Variants in MEF2A observed in about 807,000 individuals in gnomAD.
The protein encoded by MEF2A is myocyte enhancer factor 2A, also known as myocyte-specific enhancer factor 2A.
MEF2A carries 28 observed loss-of-function variants against 55.8 expected under a neutral mutation model. The observed-to-expected ratio is 0.50, with a 90% CI of 0.37 to 0.69. The LOEUF is 0.69. Among genes scored for constraint, MEF2A ranks in the 30% least tolerant of loss-of-function variants. The probability of loss-of-function intolerance (pLI) is 0.00; values close to 1 mark genes in which losing one functional copy is unlikely to be tolerated. For missense variants in MEF2A, 528 were observed against 626.2 expected (o/e 0.84, Z 1.67); for synonymous variants, 239 against 227.1 (o/e 1.05, Z -0.47).
chr15:99,715,819 C>T lies in MEF2A; in HGVS notation c.*3048C>T, dbSNP rs747336053. 5 of 152,226 alleles carry T rather than the reference C, an allele frequency of 3.3e-5. No individual in the cohort carries two copies. Among genetic ancestry groups the T allele is most frequent in the African/African-American group, 7.2e-5 (3 of 41,466 alleles). The allele number at this position is 152,226 out of a possible 1,614,324, so 9.4% of individuals were successfully genotyped here. ...CAGTACTCTAATGGCCACTCCACCG[C>T]GAGTGGAAGTCACTGTTGTGTGTAC... On this transcript the variant is annotated 3_prime_UTR_variant, in exon 12 of 12. Coordinates refer to ENST00000557942, the MANE Select transcript of MEF2A (RefSeq NM_001319206.4).
At chr15:99,649,768 AAAT>A (rs2046541193) in intron 4 of MEF2A, among the ~76,000 whole-genome samples, 1 of 152,168 alleles carries the variant, frequency 6.6e-6, no homozygotes, top group Admixed American at 6.6e-5. Flanking sequence ...AATTTATACT[AAAT>A]AAAAGCCTAG....
intron 1 of MEF2A, among the ~76,000 whole-genome samples, chr15:99,576,712 C>T (rs1270937018): frequency 6.6e-6 from 1 of 151,156 alleles, no homozygotes; most frequent in Non-Finnish European, 1.5e-5. Flanking sequence ...GCAATCTTGG[C>T]TCACTGCAAG....
intron 1 of MEF2A, among the ~76,000 whole-genome samples, chr15:99,586,707 G>A (rs1967405170): frequency 6.6e-6 from 1 of 151,964 alleles, no homozygotes; most frequent in Non-Finnish European, 1.5e-5. Flanking sequence ...TGCTTTTTTG[G>A]TGTCCTGTCT....
At chr15:99,668,767 T>TA (rs2153613876) in intron 4 of MEF2A, among the ~76,000 whole-genome samples, 1 of 152,318 alleles carries the variant, frequency 6.6e-6, no homozygotes, top group South Asian at 2.1e-4. Context: ...CTTAATAGAT[T>TA]ACGGCATTCC....
At chr15:99,626,159 G>A (rs549818637) in intron 2 of MEF2A, among the ~76,000 whole-genome samples, 1 of 151,906 alleles carries the variant, frequency 6.6e-6, no homozygotes, top group South Asian at 2.1e-4. Context: ...GCTCTTTTTT[G>A]TTTCTTTGCA....
intron 4 of MEF2A, among the ~76,000 whole-genome samples, chr15:99,656,865 C>G (rs376424339): frequency 1.3e-5 from 2 of 151,290 alleles, no homozygotes; most frequent in East Asian, 3.9e-4. Flanking sequence ...GGTTCTTAGT[C>G]CATTCACAAG....
intron 1 of MEF2A, among the ~76,000 whole-genome samples, chr15:99,570,321 A>C (rs1230372980): frequency 6.6e-6 from 1 of 152,216 alleles, no homozygotes; most frequent in Non-Finnish European, 1.5e-5. Flanking sequence ...GTCTTGAATT[A>C]ATACTAATTT....
chr15:99,681,164 GAAAA>G (rs1272081389), intron 7 of MEF2A, among the ~76,000 whole-genome samples: 1 of 152,148 alleles, frequency 6.6e-6, no homozygotes, highest in Admixed American at 6.5e-5. Context: ...TTGAGAAAGA[GAAAA>G]AACATATATG....
In MEF2A at chr15:99,712,548, C is replaced by G. The variant is rs1052360469; in HGVS notation, c.1295C>G (p.Pro432Arg). 6.4e-7 allele frequency: 1 copy of G among 1,551,042 alleles called. No homozygotes were observed. The highest frequency in any genetic ancestry group is 8.7e-7 in the Non-Finnish European group (1 of 1,146,850). The change falls in exon 12 of 12, where the codon CCA becomes CGA. Residue 432 changes from proline (P) to arginine (R), a missense_variant. By Grantham distance (103) the Pro-to-Arg change is moderately radical. This residue lies in a region of MEF2A where 450 missense variants were observed against 475.3 expected (regional missense o/e 0.95). Coordinates refer to ENST00000557942, the MANE Select transcript of MEF2A (RefSeq NM_001319206.4). This position sits in a 1 kb window ranked among gnomAD's most constrained non-coding sequence, Gnocchi z 4.1. Reference protein sequence around the residue: ...QQQQQQQPPPPPQPQPQPPQP... With the variant: ...QQQQQQQPPPRPQPQPQPPQP... Reference sequence around the variant, plus strand: ...CAGCAGCAGCAGCAGCCGCCGCCACCACCGCAGCCCCAGCCACAACCCCCG... The same window carrying G: ...CAGCAGCAGCAGCAGCCGCCGCCACGACCGCAGCCCCAGCCACAACCCCCG...
Position 99,710,637 on chromosome 15 carries a change from A to C in MEF2A, c.1013A>C (p.Tyr338Ser), listed in dbSNP as rs752008306. ...GCCCTCTTGTCTTCCTTTGTAGATT[A>C]TTCACTGACCAGCGCTGACCTGTCA... ...SAMPTAYNTD[Y>S]SLTSADLSAL... is the part of the protein sequence containing the mutation. The change falls in exon 11 of 12, where the codon TAT becomes TCT. Residue 338 changes from tyrosine to serine, a missense_variant. Physicochemically the swap from Tyr to Ser is moderately radical, Grantham distance 144. Around this residue, in one of 2 missense-constraint regions of MEF2A, gnomAD observed 450 missense variants for 475.3 expected, o/e 0.95. Transcript: ENST00000557942. The C allele has an allele frequency of 6.2e-7, 1 of 1,609,688 alleles. No individual in the cohort carries two copies. Among genetic ancestry groups the C allele is most frequent in the Non-Finnish European group, 8.5e-7 (1 of 1,176,374 alleles).
At chr15:99,674,818 G>A (rs781687048) in intron 6 of MEF2A, among the ~76,000 whole-genome samples, 4 of 152,160 alleles carry the variant, frequency 2.6e-5, no homozygotes, top group African/African-American at 4.8e-5. Flanking sequence ...ACAGTACTGA[G>A]AACCTGCCAT....
chr15:99,712,527 AGC>A lies in MEF2A; in HGVS notation c.1275_1276del (p.Gln426AlafsTer34). 1 of 1,546,948 alleles carries A rather than the reference AGC, an allele frequency of 6.5e-7. No homozygotes were observed. The highest frequency in any genetic ancestry group is 8.7e-7 in the Non-Finnish European group (1 of 1,144,946). The stretch of plus-strand genomic sequence containing the variant: ...TTCCAGCAGCAGCAGCAGCAGCAGC[AGC>A]AGCAGCAGCCGCCGCCACCACCGCA... On this transcript the variant is annotated frameshift_variant, in exon 12 of 12. Transcript: ENST00000557942. LOFTEE classifies it high-confidence loss of function. The surrounding 1 kb of genome is among the most constrained non-coding windows in gnomAD (Gnocchi z 4.1).
intron 2 of MEF2A, among the ~76,000 whole-genome samples, chr15:99,623,397 G>A (rs1446147454): frequency 6.6e-6 from 1 of 152,118 alleles, no homozygotes; most frequent in Non-Finnish European, 1.5e-5. Context: ...CCTGCTTTAA[G>A]TTTTTTTGAT....
intron 10 of MEF2A, among the ~76,000 whole-genome samples, chr15:99,708,006 A>G (rs1052666901): frequency 6.6e-6 from 1 of 152,194 alleles, no homozygotes; most frequent in Non-Finnish European, 1.5e-5. Flanking sequence ...ATAATGCCCA[A>G]ATTTGTCAAC....
At chr15:99,652,820 A>C (rs146787274) in intron 4 of MEF2A, among the ~76,000 whole-genome samples, 2 of 152,194 alleles carry the variant, frequency 1.3e-5, no homozygotes, top group Non-Finnish European at 2.9e-5. Context: ...AAAAATATTG[A>C]ATGTAATAGT....
At chr15:99,569,294 G>A (rs1961072042) in intron 1 of MEF2A, among the ~76,000 whole-genome samples, 1 of 152,220 alleles carries the variant, frequency 6.6e-6, no homozygotes, top group African/African-American at 2.4e-5. Flanking sequence ...CGTATTGCCT[G>A]ATCTCCCTGC....
chr15:99,639,145 A>G (rs1218929912), intron 3 of MEF2A, among the ~76,000 whole-genome samples: 1 of 152,142 alleles, frequency 6.6e-6, no homozygotes, highest in South Asian at 2.1e-4. Flanking sequence ...ATTATCCAGA[A>G]GTAACATATG....
intron 4 of MEF2A, among the ~76,000 whole-genome samples, chr15:99,653,781 T>C (rs979724407): frequency 6.6e-6 from 1 of 152,178 alleles, no homozygotes; most frequent in African/African-American, 2.4e-5. Context: ...CAAAGCTTTA[T>C]TATGCACGTT....
At chr15:99,612,675 A>G (rs973831066) in intron 2 of MEF2A, among the ~76,000 whole-genome samples, 3 of 152,124 alleles carry the variant, frequency 2.0e-5, no homozygotes, top group Admixed American at 2.0e-4. Flanking sequence ...ACTGCGTTCC[A>G]ATCTGGGTAA....
Sources: gnomAD v4.1 joint callset for allele counts (sites outside exome capture counted in the v4.1 genomes callset) on GRCh38, gnomAD v4.1.1 for gene constraint, gnomAD v4.1.1 regional missense constraint, Gnocchi (gnomAD v3.1) non-coding constraint, MANE v1.5 for transcripts, NCBI Gene and HGNC (gene_info 2026-07-23, HGNC 2026-07-21) for gene names.